Variants in UNC5C observed in about 807,000 individuals in gnomAD.
UNC5C encodes the protein netrin receptor UNC5C.
In UNC5C, 47 loss-of-function variants were observed where a neutral mutation model predicts 99.8. That is an observed-to-expected ratio of 0.47 (90% confidence interval 0.37 to 0.60). The LOEUF (loss-of-function observed/expected upper bound fraction) is 0.60. UNC5C is among the 20% of genes least tolerant of loss of function. The probability of loss-of-function intolerance (pLI) is 0.00; values close to 1 mark genes in which losing one functional copy is unlikely to be tolerated. For synonymous variants in UNC5C, 487 were observed against 452.2 expected (o/e 1.08, Z -0.98); for missense variants, 1,062 against 1,165.9 (o/e 0.91, Z 1.30).
chr4:95,231,023 C>T (rs1226148159), intron 7 of UNC5C, among the ~76,000 whole-genome samples: 1 of 151,960 alleles, frequency 6.6e-6, no homozygotes, highest in Non-Finnish European at 1.5e-5. Flanking sequence ...GCAACTAATG[C>T]CAGGGCCTAA....
chr4:95,178,491 T>C (rs1334412421), intron 14 of UNC5C, among the ~76,000 whole-genome samples: 1 of 152,202 alleles, frequency 6.6e-6, no homozygotes, highest in Non-Finnish European at 1.5e-5. Context: ...TATCAATCAA[T>C]CAATCATCCT....
At chr4:95,376,536 CA>C (rs1406728945) in intron 1 of UNC5C, among the ~76,000 whole-genome samples, 2 of 152,052 alleles carry the variant, frequency 1.3e-5, no homozygotes, top group Non-Finnish European at 2.9e-5. Context: ...TTTGAAAAAT[CA>C]GTTTAAATAA....
chr4:95,266,394 A>G lies in UNC5C; in HGVS notation c.594+11865T>C, dbSNP rs1740448744. On this transcript the variant is annotated intron_variant, in intron 4 of 15. Transcript: ENST00000453304. ...CAGTCTGGTACAGTGTTCTCAAAAT[A>G]CTAACATGATTTTATTAACGAATAT... Among the ~76,000 whole-genome samples, 3 of 152,212 alleles carry G rather than the reference A, an allele frequency of 2.0e-5. No homozygotes were observed. The South Asian group carries it at 6.2e-4, about 31-fold the overall frequency.
chr4:95,276,677 A>C (rs1256346409), intron 4 of UNC5C, among the ~76,000 whole-genome samples: 3 of 152,166 alleles, frequency 2.0e-5, no homozygotes, highest in African/African-American at 7.2e-5. Flanking sequence ...TCATTATCAA[A>C]ATGAAATATT....
intron 12 of UNC5C, among the ~76,000 whole-genome samples, chr4:95,195,832 C>G (rs1737357580): frequency 1.3e-5 from 2 of 151,662 alleles, no homozygotes; most frequent in East Asian, 3.9e-4. Flanking sequence ...CAGAGTTACT[C>G]TATTACAGTT....
chr4:95,231,184 T>C (rs767347299), intron 7 of UNC5C, among the ~76,000 whole-genome samples: 1 of 152,128 alleles, frequency 6.6e-6, no homozygotes, highest in Non-Finnish European at 1.5e-5. Context: ...TAGTATCAGA[T>C]ACTTGGCCAA....
intron 2 of UNC5C, among the ~76,000 whole-genome samples, chr4:95,324,516 C>T (rs1023920717): frequency 2.8e-4 from 42 of 152,082 alleles, no homozygotes; most frequent in Admixed American, 6.5e-4. Flanking sequence ...TCCCACTTTG[C>T]GGAAAAATTG....
At chr4:95,313,320 T>C (rs189710268) in intron 2 of UNC5C, among the ~76,000 whole-genome samples, 13 of 152,312 alleles carry the variant, frequency 8.5e-5, no homozygotes, top group Non-Finnish European at 1.3e-4. Flanking sequence ...TGTAAATTGG[T>C]AAAATGACAG....
chr4:95,195,243 A>C (rs1367273117), intron 12 of UNC5C, among the ~76,000 whole-genome samples: 1 of 152,186 alleles, frequency 6.6e-6, no homozygotes, highest in African/African-American at 2.4e-5. Context: ...AAATTCAGTG[A>C]CCAGGGCCAC....
intron 9 of UNC5C, among the ~76,000 whole-genome samples, chr4:95,216,426 T>C (rs1252270743): frequency 6.6e-6 from 1 of 152,208 alleles, no homozygotes; most frequent in Non-Finnish European, 1.5e-5. Flanking sequence ...TGTAACTTTT[T>C]AAACTCTTGT....
At chr4:95,474,213 A>G (rs1222910240) in intron 1 of UNC5C, among the ~76,000 whole-genome samples, 1 of 152,152 alleles carries the variant, frequency 6.6e-6, no homozygotes, top group East Asian at 1.9e-4. Context: ...CCACTGCCAC[A>G]AAGTTGAGAT....
intron 1 of UNC5C, among the ~76,000 whole-genome samples, chr4:95,456,814 C>T (rs1391609882): frequency 6.6e-6 from 1 of 152,090 alleles, no homozygotes; most frequent in Non-Finnish European, 1.5e-5. Context: ...TTAAAAGATT[C>T]AGTTCCCTAT....
At chr4:95,182,405 A>T (rs974952588) in intron 14 of UNC5C, among the ~76,000 whole-genome samples, 29 of 152,256 alleles carry the variant, frequency 1.9e-4, no homozygotes, top group African/African-American at 7.0e-4. Context: ...CTTCCTTTGA[A>T]TGGAGAAGAA....
At chr4:95,504,718 C>A (rs545287630) in intron 1 of UNC5C, among the ~76,000 whole-genome samples, 18 of 152,120 alleles carry the variant, frequency 1.2e-4, no homozygotes, top group Admixed American at 5.9e-4. Context: ...GAAAAATTAA[C>A]CTTTGTGCCA....
At chr4:95,336,542 T>C (rs1409921948) in intron 1 of UNC5C, among the ~76,000 whole-genome samples, 2 of 151,962 alleles carry the variant, frequency 1.3e-5, no homozygotes, top group African/African-American at 4.8e-5. Context: ...GCTCACATAT[T>C]GTCTTGAAAG....
Position 95,370,425 on chromosome 4 carries a change from C to T in UNC5C, c.125-34794G>A, listed in dbSNP as rs141740727. Among the ~76,000 whole-genome samples, 1,504 of 151,932 alleles carry T rather than the reference C, an allele frequency of 9.9e-3. 20 individuals carry two copies. Among genetic ancestry groups the T allele is most frequent in the African/African-American group, 0.034 (1,426 of 41,418 alleles). ...TATGTCACAGCATTGCCTGTACATG[C>T]GATTTCTGATATTCACCAATATGCT... On this transcript the variant is annotated intron_variant, in intron 1 of 15. Coordinates refer to ENST00000453304, the MANE Select transcript of UNC5C (RefSeq NM_003728.4).
At chr4:95,509,909 G>A (rs1226732580) in intron 1 of UNC5C, among the ~76,000 whole-genome samples, 10 of 151,910 alleles carry the variant, frequency 6.6e-5, no homozygotes, top group South Asian at 2.1e-4. Flanking sequence ...AGAAGAGTGC[G>A]TTTGCGTTTC....
intron 1 of UNC5C, among the ~76,000 whole-genome samples, chr4:95,384,392 T>C (rs149247998): frequency 5.9e-4 from 90 of 152,102 alleles, no homozygotes; most frequent in East Asian, 1.9e-4. Flanking sequence ...AGGGGAAAAG[T>C]TTAGATGAGA....
At chr4:95,387,403 G>T (rs895925670) in intron 1 of UNC5C, among the ~76,000 whole-genome samples, 1 of 152,148 alleles carries the variant, frequency 6.6e-6, no homozygotes, top group Admixed American at 6.6e-5. Context: ...GCCTCCCAAA[G>T]TGCTGGGATT....
Sources: allele counts gnomAD v4.1 joint callset (sites outside exome capture counted in the v4.1 genomes callset), GRCh38; gene constraint gnomAD v4.1.1; transcripts MANE v1.5; gene names NCBI Gene and HGNC (gene_info 2026-07-23, HGNC 2026-07-21).